PXDNL: variants seen among roughly 807,000 people sequenced by gnomAD.
The protein encoded by PXDNL is peroxidasin like, also known as probable oxidoreductase PXDNL.
Under a neutral mutation model 150.8 loss-of-function variants are expected in PXDNL, and 145 were observed. The ratio of observed to expected loss-of-function variants is 0.96; its 90% CI spans 0.84 to 1.10. The LOEUF (loss-of-function observed/expected upper bound fraction) is 1.10. PXDNL is among the 50% of genes least tolerant of loss of function. The pLI, the probability that PXDNL is intolerant of heterozygous loss-of-function variation, is 0.00. For missense variants in PXDNL, 2,087 were observed against 1,873.9 expected, an observed-to-expected ratio of 1.11 and a Z score of -2.10; for synonymous variants, 757 against 725.7, an observed-to-expected ratio of 1.04 and a Z score of -0.69.
intron 1 of PXDNL, among the ~76,000 whole-genome samples, chr8:51,687,891 C>A (rs1435404472): frequency 6.6e-6 from 1 of 152,114 alleles, no homozygotes; most frequent in South Asian, 2.1e-4. Flanking sequence ...TGAATAACTT[C>A]ACTTTAGAGC....
chr8:51,800,814 C>A (rs1011368932), intron 1 of PXDNL, among the ~76,000 whole-genome samples: 1 of 152,114 alleles, frequency 6.6e-6, no homozygotes, highest in African/African-American at 2.4e-5. Flanking sequence ...ATCCTGTTAT[C>A]TTTGTAAGCT....
At chr8:51,414,929 T>C (rs1388022037) in intron 14 of PXDNL, among the ~76,000 whole-genome samples, 2 of 152,210 alleles carry the variant, frequency 1.3e-5, no homozygotes, top group Non-Finnish European at 2.9e-5. Flanking sequence ...ATGCTTATTC[T>C]AGCAAAAAAT....
chr8:51,761,030 T>C (rs1373138534), intron 1 of PXDNL, among the ~76,000 whole-genome samples: 10 of 115,008 alleles, frequency 8.7e-5, no homozygotes, highest in Non-Finnish European at 2.0e-4. Flanking sequence ...GGCTAATTTT[T>C]TTTTTTTTTT....
chr8:51,708,429 A>G (rs1306077794), intron 1 of PXDNL, among the ~76,000 whole-genome samples: 1 of 152,268 alleles, frequency 6.6e-6, no homozygotes, highest in Admixed American at 6.5e-5. Flanking sequence ...AAGAAAGCAG[A>G]CTAAAATAAA....
chr8:51,609,558 T>C lies in PXDNL; in HGVS notation c.237-16860A>G, dbSNP rs150076651. Among the ~76,000 whole-genome samples, 30 of 152,206 alleles carry C rather than the reference T, an allele frequency of 2.0e-4. No individual in the cohort carries two copies. The East Asian group carries it at 5.8e-3, about 29-fold the overall frequency. ...GTAGTTAAAGTGAATTAAGCCAAAATGGGTCAACATGGTGATAGAGATGAA... is the reference window on the plus strand; with the variant it reads ...GTAGTTAAAGTGAATTAAGCCAAAACGGGTCAACATGGTGATAGAGATGAA... On this transcript the variant is annotated intron_variant, in intron 2 of 22. Transcript: ENST00000356297.
intron 4 of PXDNL, among the ~76,000 whole-genome samples, chr8:51,541,886 A>G (rs78403328): frequency 0.019 from 2,831 of 151,680 alleles, 37 homozygotes; most frequent in African/African-American, 0.035. Flanking sequence ...ATGTTTTCTC[A>G]TTTTCTACGA....
At chr8:51,627,542 C>T (rs1210085347) in intron 2 of PXDNL, among the ~76,000 whole-genome samples, 2 of 151,874 alleles carry the variant, frequency 1.3e-5, no homozygotes, top group African/African-American at 2.4e-5. Context: ...TACCATGAGA[C>T]GAGGTGAGGT....
intron 2 of PXDNL, among the ~76,000 whole-genome samples, chr8:51,608,041 G>GA (rs1238423066): frequency 2.4e-5 from 3 of 126,776 alleles, no homozygotes; most frequent in Non-Finnish European, 3.2e-5. Flanking sequence ...AAGAAAGAAA[G>GA]AAAGAAAGAA....
chr8:51,688,262 G>T (rs1176760726), intron 1 of PXDNL, among the ~76,000 whole-genome samples: 1 of 152,020 alleles, frequency 6.6e-6, no homozygotes, highest in East Asian at 1.9e-4. Flanking sequence ...TCAGAAGCAT[G>T]TCAGCCTCAT....
intron 3 of PXDNL, among the ~76,000 whole-genome samples, chr8:51,557,846 T>C (rs1408377190): frequency 6.6e-6 from 1 of 152,162 alleles, no homozygotes; most frequent in Non-Finnish European, 1.5e-5. Flanking sequence ...TGATTTTCTA[T>C]AATTTGCTTA....
intron 2 of PXDNL, among the ~76,000 whole-genome samples, chr8:51,652,038 T>C (rs1221108692): frequency 2.6e-5 from 4 of 152,128 alleles, no homozygotes; most frequent in African/African-American, 9.7e-5. Context: ...AACCCTCTCT[T>C]TTACAATATA....
At chr8:51,611,067 G>A (rs1317513575) in intron 2 of PXDNL, among the ~76,000 whole-genome samples, 1 of 152,152 alleles carries the variant, frequency 6.6e-6, no homozygotes, top group Non-Finnish European at 1.5e-5. Flanking sequence ...CAGGGTCATT[G>A]TATGGGTATT....
chr8:51,635,669 T>C (rs1814590076), intron 2 of PXDNL, among the ~76,000 whole-genome samples: 2 of 151,932 alleles, frequency 1.3e-5, no homozygotes, highest in Admixed American at 1.3e-4. Flanking sequence ...GCAGAAAATC[T>C]GAGTGGGGGG....
chr8:51,631,243 A>T lies in PXDNL; in HGVS notation c.236+23446T>A, dbSNP rs1225324608. Among the ~76,000 whole-genome samples the T allele has an allele frequency of 3.3e-5, 5 of 152,254 alleles. No homozygotes were observed. In the East Asian group the frequency reaches 9.7e-4, roughly 29 times the overall value. On this transcript the variant is annotated intron_variant, in intron 2 of 22. Transcript: ENST00000356297. Reference sequence around the variant, plus strand: ...GAAGCTAAACAATGAGAACACATGGACACAAAGAAGAGAACAACAGACACC... The same window carrying T: ...GAAGCTAAACAATGAGAACACATGGTCACAAAGAAGAGAACAACAGACACC...
intron 19 of PXDNL, among the ~76,000 whole-genome samples, chr8:51,367,410 A>C (rs1273580466): frequency 6.6e-6 from 1 of 152,202 alleles, no homozygotes; most frequent in Non-Finnish European, 1.5e-5. Context: ...ACTATCAAAA[A>C]ACCAAGGGCT....
At chr8:51,425,589 G>A (rs951666430) in intron 13 of PXDNL, among the ~76,000 whole-genome samples, 6 of 151,898 alleles carry the variant, frequency 4.0e-5, no homozygotes, top group Non-Finnish European at 8.8e-5. Context: ...ATCCCAGCAC[G>A]TTGGGAGGCC....
intron 19 of PXDNL, among the ~76,000 whole-genome samples, chr8:51,359,339 C>T (rs1806637229): frequency 6.6e-6 from 1 of 152,008 alleles, no homozygotes; most frequent in African/African-American, 2.4e-5. Context: ...TGTCATAAAA[C>T]TTAAACAGAT....
intron 1 of PXDNL, among the ~76,000 whole-genome samples, chr8:51,796,938 A>G (rs2129260640): frequency 6.6e-6 from 1 of 152,358 alleles, no homozygotes; most frequent in Non-Finnish European, 1.5e-5. Context: ...AAATACTGGC[A>G]AACCAAATCC....
intron 5 of PXDNL, among the ~76,000 whole-genome samples, chr8:51,487,580 C>T (rs889207364): frequency 9.2e-5 from 14 of 152,068 alleles, no homozygotes; most frequent in Non-Finnish European, 7.4e-5. Context: ...AATTTTCTGC[C>T]GGAGCACCAA....
Sources: gnomAD v4.1 joint callset for allele counts (sites outside exome capture counted in the v4.1 genomes callset) on GRCh38, gnomAD v4.1.1 for gene constraint, MANE v1.5 for transcripts, NCBI Gene and HGNC (gene_info 2026-07-23, HGNC 2026-07-21) for gene names.